BRD1: variants seen among roughly 807,000 people sequenced by gnomAD.
The protein encoded by BRD1 is bromodomain containing 1.
A neutral mutation model predicts 107.7 loss-of-function variants in BRD1; 24 were observed. The ratio of observed to expected loss-of-function variants is 0.22; its 90% CI spans 0.16 to 0.31. The LOEUF (loss-of-function observed/expected upper bound fraction) is 0.31. Ranked by LOEUF, BRD1 falls within the 10% of genes least tolerant of loss-of-function variation. The pLI is 1.00. For missense variants in BRD1, 1,279 were observed against 1,638.6 expected (o/e 0.78, Z 3.79); for synonymous variants, 744 against 686.1 (o/e 1.08, Z -1.32).
chr22:49,795,981 C>T (rs2059523383), intron 6 of BRD1, among the ~76,000 whole-genome samples: 1 of 152,226 alleles, frequency 6.6e-6, no homozygotes, highest in African/African-American at 2.4e-5. Flanking sequence ...CACCAAGAGC[C>T]AGCAGCACTG....
intron 11 of BRD1, 115 bp downstream of exon 11, chr22:49,775,935 C>A (rs1361620031): frequency 2.5e-6 from 3 of 1,218,474 alleles, no homozygotes; most frequent in Non-Finnish European, 3.4e-6. Flanking sequence ...ACCCCGCCCC[C>A]CCGCCAGCTG....
At chr22:49,813,088 G>C (rs140796431) in intron 2 of BRD1, among the ~76,000 whole-genome samples, 1 of 152,192 alleles carries the variant, frequency 6.6e-6, no homozygotes, top group Admixed American at 6.5e-5. Flanking sequence ...AATTCCAGGA[G>C]GGCTCAAGAC....
intron 8 of BRD1, among the ~76,000 whole-genome samples, chr22:49,779,529 G>A (rs777735588): frequency 1.3e-5 from 2 of 152,088 alleles, no homozygotes; most frequent in South Asian, 2.1e-4. Flanking sequence ...TTTTAACCTC[G>A]GTCATTTTAA....
intron 1 of BRD1, 84 bp downstream of exon 1, chr22:49,827,413 G>GAGGCC (rs533487106): frequency 0.048 from 7,084 of 146,720 alleles, 479 homozygotes; most frequent in African/African-American, 0.15. Flanking sequence ...ACAACCCCGA[G>GAGGCC]AGGCCGGGCC....
chr22:49,775,110 T>G (rs1026523740), intron 12 of BRD1, among the ~76,000 whole-genome samples: 20 of 152,124 alleles, frequency 1.3e-4, no homozygotes, highest in Admixed American at 7.9e-4. Context: ...CCAGACGCTC[T>G]GGGGAAAAGC....
chr22:49,794,935 G>C (rs2147113901), intron 6 of BRD1, among the ~76,000 whole-genome samples: 1 of 152,148 alleles, frequency 6.6e-6, no homozygotes, highest in South Asian at 2.1e-4. Flanking sequence ...ATAAGTAAGA[G>C]ATGGCCAAGA....
At chr22:49,787,207 C>T (rs2059342812) in intron 8 of BRD1, among the ~76,000 whole-genome samples, 183 bp downstream of exon 8, 1 of 152,150 alleles carries the variant, frequency 6.6e-6, no homozygotes, top group Non-Finnish European at 1.5e-5. Flanking sequence ...AGGCGCCGGC[C>T]TCAGACCCGC....
chr22:49,788,707 G>A (rs2059375995), intron 7 of BRD1, among the ~76,000 whole-genome samples: 2 of 152,192 alleles, frequency 1.3e-5, no homozygotes, highest in Non-Finnish European at 2.9e-5. Context: ...GGCTAACAGG[G>A]CGAGGCGACG....
chr22:49,785,432 A>C (rs1207633101), intron 8 of BRD1, among the ~76,000 whole-genome samples: 4 of 152,256 alleles, frequency 2.6e-5, no homozygotes, highest in African/African-American at 9.6e-5. Flanking sequence ...CTGCATGCAG[A>C]GGGGACGCCC....
intron 6 of BRD1, 76 bp downstream of exon 6, chr22:49,797,729 C>A: frequency 6.9e-7 from 1 of 1,449,616 alleles, no homozygotes; most frequent in Non-Finnish European, 9.1e-7. Context: ...TGATAGGGAG[C>A]TGGCAACACA....
chr22:49,776,092 C>A lies in BRD1; in HGVS notation c.3189G>T (p.Val1063=). The stretch of plus-strand genomic sequence containing the variant: ...GGTAGCCGCTGCACTTGGCCCACAC[C>A]ACCTTCAGAGGCTCCAGCACCGAGG... The part of the protein sequence containing the change: ...AAASVLEPLK[V]VWAKCSGYPS... Residue 1063 remains valine, a synonymous_variant, in exon 11 of 13, where the codon GTG becomes GTT. Transcript: ENST00000404760. 1 of 1,607,200 alleles carries A rather than the reference C, an allele frequency of 6.2e-7. No homozygotes were observed.
In BRD1 at chr22:49,777,802, C is replaced by T. The variant is rs759714985; in HGVS notation, c.2869G>A (p.Gly957Ser). 2.5e-6 allele frequency: 4 copies of T among 1,601,124 alleles called. No homozygotes were observed. Among genetic ancestry groups the T allele is most frequent in the East Asian group, 2.2e-5 (1 of 44,714 alleles). The change falls in exon 9 of 13, where the codon GGC becomes AGC. Residue 957 changes from glycine to serine, a missense_variant. This residue lies in a region of BRD1 where 263 missense variants were observed against 251.6 expected (regional missense o/e 1.05). Transcript: ENST00000404760. ...TGCTCGCTCCTCGCACCCCCAAAGC[C>T]GTTGGTGAGACCTGGAACACAGGCG... The part of the protein sequence containing the change: ...GKRLDAGLTN[G>S]FGGARSEQEP...
chr22:49,775,837 C>T (rs2059081377), intron 11 of BRD1, 92 bp from the exon 12 acceptor site: 15 of 1,297,960 alleles, frequency 1.2e-5, no homozygotes, highest in South Asian at 3.3e-5. Context: ...CTCCCCACCC[C>T]AGCTGTGTGA....
At chr22:49,777,845 GCACAACCAGGGCA>G in intron 8 of BRD1, 32 bp from the exon 9 acceptor site, 1 of 1,574,876 alleles carries the variant, frequency 6.3e-7, no homozygotes, top group Non-Finnish European at 8.6e-7. Flanking sequence ...CCTGAGCTCA[GCACAACCAGGGCA>G]CACTGAAGCA....
In BRD1 at chr22:49,792,835, G is replaced by A. The variant is rs2059459973; in HGVS notation, c.2359+1199C>T. On this transcript the variant is annotated intron_variant, in intron 7 of 12. Coordinates refer to ENST00000404760, the MANE Select transcript of BRD1 (RefSeq NM_001304808.3). The surrounding 1 kb of genome is among the most constrained non-coding windows in gnomAD (Gnocchi z 4.2). ...ATTCAAGTTGCCCAAATGTAAAACA[G>A]GATAAAAGGGGCGAAGCTCTGCAGA... 6.6e-6 allele frequency among the ~76,000 whole-genome samples: 1 copy of A among 152,134 alleles called. No homozygotes were observed. The highest frequency in any genetic ancestry group is 1.5e-5 in the Non-Finnish European group (1 of 68,022).
At chr22:49,812,254 C>T (rs1023635907) in intron 2 of BRD1, among the ~76,000 whole-genome samples, 2 of 151,844 alleles carry the variant, frequency 1.3e-5, no homozygotes, top group Non-Finnish European at 2.9e-5. Context: ...TCCACAAAGA[C>T]GATCCAAAAG....
intron 2 of BRD1, 124 bp from the exon 3 acceptor site, chr22:49,804,484 G>T: frequency 9.2e-7 from 1 of 1,092,704 alleles, no homozygotes; most frequent in South Asian, 1.8e-5. Flanking sequence ...CCTAAGCCAT[G>T]ACACCTGTAT....
At chr22:49,797,109 T>C (rs911824905) in intron 6 of BRD1, among the ~76,000 whole-genome samples, 2 of 152,016 alleles carry the variant, frequency 1.3e-5, no homozygotes, top group South Asian at 2.1e-4. Context: ...ATCCCAGAGG[T>C]GCGACTAACA....
At chr22:49,810,523 G>A (rs2059830310) in intron 2 of BRD1, among the ~76,000 whole-genome samples, 1 of 152,180 alleles carries the variant, frequency 6.6e-6, no homozygotes. Context: ...AAAGAACACT[G>A]AATAAAACAA....
Sources: allele counts gnomAD v4.1 joint callset (sites outside exome capture counted in the v4.1 genomes callset), GRCh38; gene constraint gnomAD v4.1.1; regional missense constraint gnomAD v4.1.1; non-coding constraint Gnocchi (gnomAD v3.1); transcripts MANE v1.5; gene names NCBI Gene and HGNC (gene_info 2026-07-23, HGNC 2026-07-21).